CHODL: variants seen among roughly 807,000 people sequenced by gnomAD.
CHODL encodes the protein chondrolectin.
Under a neutral mutation model 34.5 loss-of-function variants are expected in CHODL, and 29 were observed. The ratio of observed to expected loss-of-function variants is 0.84; its 90% CI spans 0.63 to 1.15. The LOEUF is 1.15. Ranked by LOEUF, CHODL falls within the 50% of genes most tolerant of loss-of-function variation. The pLI, the probability that CHODL is intolerant of heterozygous loss-of-function variation, is 0.00. For synonymous variants in CHODL, 125 were observed against 116.1 expected (o/e 1.08, Z -0.49); for missense variants, 332 against 332.5 (o/e 1.00, Z 0.01).
At chr21:18,179,961 C>T (rs375728488) in intron 2 of CHODL, among the ~76,000 whole-genome samples, 5 of 152,188 alleles carry the variant, frequency 3.3e-5, no homozygotes, top group South Asian at 4.2e-4. Flanking sequence ...AGGGTATGGG[C>T]TCTAGTGATA....
intron 1 of CHODL, among the ~76,000 whole-genome samples, chr21:18,006,743 C>T (rs188115843): frequency 2.0e-4 from 31 of 152,318 alleles, no homozygotes; most frequent in Admixed American, 1.6e-3. Flanking sequence ...AGATTTCATG[C>T]ACATCCTTTG....
At chr21:18,159,426 A>C (rs2073071231) in intron 2 of CHODL, among the ~76,000 whole-genome samples, 1 of 152,166 alleles carries the variant, frequency 6.6e-6, no homozygotes, top group Non-Finnish European at 1.5e-5. Flanking sequence ...TTTTTTCTAA[A>C]GATGCGGTAT....
At position 18,164,780 on chromosome 21, in the gene CHODL, T is replaced by G. The variant is rs370816064; in HGVS notation, c.-44-91729T>G. On this transcript the variant is annotated intron_variant, in intron 2 of 6. Coordinates refer to the CHODL transcript ENST00000400127. ...ATAGACATCTCAGACTTAAATTAGC[T>G]AAAACAAAACTGTCGATTACCCCAA... 8.5e-5 allele frequency among the ~76,000 whole-genome samples: 13 copies of G among 152,098 alleles called. 1 individual carries two copies. The highest frequency in any genetic ancestry group is 7.2e-4 in the Admixed American group (11 of 15,276).
rs184144380 is a variant in CHODL at position 18,171,230 on chromosome 21, C to T, written c.-44-85279C>T. ...TTTTTTTTTTTTTGAGACGGAGTCT[C>T]GCTCTGTCGCCCAGGCCAGACTGCG... On this transcript the variant is annotated intron_variant, in intron 2 of 6. Coordinates refer to the CHODL transcript ENST00000400127. Among the ~76,000 whole-genome samples the T allele has an allele frequency of 4.2e-3, 52 of 12,522 alleles. No homozygotes were observed. In the East Asian group the frequency reaches 0.14, roughly 33 times the overall value. The allele number at this position is 12,522 out of a possible 152,430, so 8.2% of individuals were successfully genotyped here. A position where few individuals can be genotyped will look rare whatever the true frequency, so the allele number is the denominator to read the frequency against.
At chr21:18,244,736 T>C (rs942228531), upstream of CHODL, 8 of 154,098 alleles carry the variant, frequency 5.2e-5, no homozygotes, top group African/African-American at 1.9e-4. Flanking sequence ...ATGCTCCACA[T>C]GGCTGGAGAG....
At position 18,186,230 on chromosome 21, in the gene CHODL, C is replaced by T. The variant is rs570444471; in HGVS notation, c.-44-70279C>T. ...CTTTACTTTTAGTTTTTGCAAAAGT[C>T]TCAGAAAATGTTCTGATTGGTCTAG... is the stretch of plus-strand genomic sequence containing the variant. On this transcript the variant is annotated intron_variant, in intron 2 of 6. Coordinates refer to the CHODL transcript ENST00000400127. Among the ~76,000 whole-genome samples the T allele has an allele frequency of 3.9e-5, 6 of 152,190 alleles. No individual in the cohort carries two copies. The East Asian group carries it at 1.2e-3, about 29-fold the overall frequency.
chr21:18,181,159 G>C (rs1055270174), intron 2 of CHODL, among the ~76,000 whole-genome samples: 21 of 152,176 alleles, frequency 1.4e-4, no homozygotes, highest in Non-Finnish European at 2.6e-4. Context: ...AATGTGAAGG[G>C]AAGGGTGATA....
chr21:17,944,072 G>A (rs544871843), intron 1 of CHODL, among the ~76,000 whole-genome samples: 24 of 146,928 alleles, frequency 1.6e-4, no homozygotes, highest in East Asian at 4.1e-4. Context: ...ATAATCTAGC[G>A]TGAGCCACTA....
chr21:18,135,784 A>G (rs200202905), intron 2 of CHODL, among the ~76,000 whole-genome samples: 1 of 152,170 alleles, frequency 6.6e-6, no homozygotes, highest in East Asian at 1.9e-4. Flanking sequence ...GTTGTTCAAT[A>G]TAAGTGTTTT....
At chr21:18,233,038 A>C (rs986063296) in intron 2 of CHODL, among the ~76,000 whole-genome samples, 5 of 149,338 alleles carry the variant, frequency 3.3e-5, no homozygotes, top group Non-Finnish European at 5.9e-5. Context: ...GAATCAAGCT[A>C]ATTAACATAT....
intron 1 of CHODL, among the ~76,000 whole-genome samples, chr21:17,939,200 A>G (rs977132735): frequency 6.6e-6 from 1 of 152,178 alleles, no homozygotes; most frequent in African/African-American, 2.4e-5. Context: ...GTCTTGCTTC[A>G]CTGAAGCTTT....
chr21:17,978,631 T>G (rs915961645), intron 1 of CHODL, among the ~76,000 whole-genome samples: 5 of 149,858 alleles, frequency 3.3e-5, no homozygotes, highest in African/African-American at 1.2e-4. Flanking sequence ...GGCAGGAGAA[T>G]GGCGTGAACC....
intron 1 of CHODL, among the ~76,000 whole-genome samples, chr21:17,979,276 T>C (rs2063695717): frequency 6.6e-6 from 1 of 152,212 alleles, no homozygotes; most frequent in Non-Finnish European, 1.5e-5. Flanking sequence ...GAAGTCTATT[T>C]GAGAGAGTTC....
At chr21:18,232,941 T>TTATATATATATATATATA (rs752640406) in intron 2 of CHODL, among the ~76,000 whole-genome samples, 1,109 of 97,278 alleles carry the variant, frequency 0.011, 41 homozygotes, top group African/African-American at 0.026. Flanking sequence ...CATGATGTTA[T>TTATATATATATATATATA]GATATATATA....
Position 18,111,379 on chromosome 21 carries a change from A to G in CHODL, c.-45+83408A>G, listed in dbSNP as rs923708783. ...TTACATATATTATTCAGGGGTTACC[A>G]TTTGTTACTTACATGCCAAATCTCA... On this transcript the variant is annotated intron_variant, in intron 2 of 6. Transcript: ENST00000400127. Among the ~76,000 whole-genome samples, 4 of 152,286 alleles carry G rather than the reference A, an allele frequency of 2.6e-5. 1 individual carries two copies. The highest frequency in any genetic ancestry group is 4.1e-4 in the South Asian group (2 of 4,824).
chr21:18,022,428 T>G (rs974410682), intron 1 of CHODL: 1 of 152,244 alleles, frequency 6.6e-6, no homozygotes, highest in Non-Finnish European at 1.5e-5. Context: ...CTTGAGATTC[T>G]TGATTTAATT....
chr21:18,087,516 A>C (rs1055501866), intron 2 of CHODL, among the ~76,000 whole-genome samples: 4 of 152,174 alleles, frequency 2.6e-5, no homozygotes, highest in African/African-American at 9.6e-5. Context: ...ACGGCAGCCC[A>C]TTGCAGGGCA....
rs1333481522 is a variant in CHODL, at chr21:18,171,198, G to GTTCTTTTTTTTTTTTTTTTTTTTT, written c.-44-85309_-44-85308insCTTTTTTTTTTTTTTTTTTTTTTT. Among the ~76,000 whole-genome samples, 24 of 37,066 alleles carry GTTCTTTTTTTTTTTTTTTTTTTTT rather than the reference G, an allele frequency of 6.5e-4. 12 individuals carry two copies. Among genetic ancestry groups the GTTCTTTTTTTTTTTTTTTTTTTTT allele is most frequent in the African/African-American group, 2.0e-3 (14 of 6,942 alleles). 24.3% of individuals were successfully genotyped at this position (37,066 alleles called of 152,430 possible). A position where few individuals can be genotyped will look rare whatever the true frequency, so the allele number is the denominator to read the frequency against. ...TGTTCTTCAGACATGGTTTTCTTTAGTTTTTTTTTTTTTTTTTTTGAGACG... is the reference window on the plus strand; with the variant it reads ...TGTTCTTCAGACATGGTTTTCTTTAGTTCTTTTTTTTTTTTTTTTTTTTTTTTTTTTTTTTTTTTTTTTGAGACG... On this transcript the variant is annotated intron_variant, in intron 2 of 6. Coordinates refer to the CHODL transcript ENST00000400127.
intron 2 of CHODL, among the ~76,000 whole-genome samples, chr21:18,178,749 G>T (rs547547677): frequency 6.4e-4 from 98 of 152,248 alleles, no homozygotes; most frequent in African/African-American, 2.3e-3. Context: ...GAAGGGGTTG[G>T]TCTTGCTCTC....
Sources: gnomAD v4.1 joint callset for allele counts (sites outside exome capture counted in the v4.1 genomes callset) on GRCh38, gnomAD v4.1.1 for gene constraint, MANE v1.5 for transcripts, NCBI Gene and HGNC (gene_info 2026-07-23, HGNC 2026-07-21) for gene names.